C4orf51: variants seen among roughly 807,000 people sequenced by gnomAD.
C4orf51 encodes the protein uncharacterized protein C4orf51.
C4orf51 carries 25 observed loss-of-function variants against 25.2 expected under a neutral mutation model. The observed-to-expected ratio is 0.99, with a 90% CI of 0.72 to 1.39. C4orf51 has a LOEUF of 1.39. C4orf51 is among the 40% of genes most tolerant of loss of function. The probability of loss-of-function intolerance (pLI) is 0.00; values close to 1 mark genes in which losing one functional copy is unlikely to be tolerated. For missense variants in C4orf51, 252 were observed against 239.6 expected, an observed-to-expected ratio of 1.05 and a Z score of -0.34; for synonymous variants, 100 against 84.5, an observed-to-expected ratio of 1.18 and a Z score of -1.01.
At chr4:145,743,095 T>C (rs1733188950) in intron 1 of C4orf51, among the ~76,000 whole-genome samples, 1 of 152,182 alleles carries the variant, frequency 6.6e-6, no homozygotes, top group Non-Finnish European at 1.5e-5. Context: ...GTGCCCTTAC[T>C]GGAGTAAGAA....
downstream of C4orf51, among the ~76,000 whole-genome samples, chr4:145,772,052 G>A (rs1301313764): frequency 1.3e-5 from 2 of 152,216 alleles, no homozygotes; most frequent in Non-Finnish European, 2.9e-5. Context: ...AGAATTCAGT[G>A]TGTGCTTTCC....
intron 1 of C4orf51, among the ~76,000 whole-genome samples, chr4:145,695,481 C>T (rs1256117259): frequency 9.9e-5 from 15 of 152,034 alleles, no homozygotes; most frequent in Admixed American, 9.2e-4. Context: ...AGATATTAGA[C>T]CTTTGTCAGA....
chr4:145,788,531 C>T, the C4orf51 span, among the ~76,000 whole-genome samples: 3 of 152,142 alleles, frequency 2.0e-5, no homozygotes, highest in Non-Finnish European at 4.4e-5. Context: ...CTATGTTTTC[C>T]CTGTACTTGT....
intron 1 of C4orf51, among the ~76,000 whole-genome samples, chr4:145,694,068 G>T (rs1441917682): frequency 7.4e-6 from 1 of 135,350 alleles, no homozygotes; most frequent in Non-Finnish European, 1.6e-5. Flanking sequence ...CCCAGACGGG[G>T]TCTCGGCCGG....
chr4:145,743,672 T>C (rs114405306), intron 1 of C4orf51, among the ~76,000 whole-genome samples: 2,512 of 152,328 alleles, frequency 0.016, 31 homozygotes, highest in Non-Finnish European at 0.026. Flanking sequence ...CGCCTCAAAA[T>C]TTTTTGTTAG....
chr4:145,756,877 A>T (rs1414359351), downstream of C4orf51, among the ~76,000 whole-genome samples: 1 of 152,228 alleles, frequency 6.6e-6, no homozygotes, highest in Non-Finnish European at 1.5e-5. Context: ...AAAAAAGTAA[A>T]TTTGATCTTT....
At chr4:145,722,400 C>T (rs535162727) in intron 2 of C4orf51, among the ~76,000 whole-genome samples, 5 of 152,224 alleles carry the variant, frequency 3.3e-5, no homozygotes, top group African/African-American at 9.6e-5. Flanking sequence ...TCTTACATAA[C>T]CACAACATTG....
intron 2 of C4orf51, among the ~76,000 whole-genome samples, chr4:145,725,660 T>A (rs894133731): frequency 7.9e-5 from 12 of 152,176 alleles, no homozygotes; most frequent in African/African-American, 2.9e-4. Context: ...AACATTGTGT[T>A]AAGTTAAAGA....
chr4:145,703,159 T>C (rs1730568729), intron 2 of C4orf51, among the ~76,000 whole-genome samples: 1 of 151,484 alleles, frequency 6.6e-6, no homozygotes, highest in Non-Finnish European at 1.5e-5. Flanking sequence ...GAAGTGAATA[T>C]GCCCTGCCCC....
intron 1 of C4orf51, among the ~76,000 whole-genome samples, chr4:145,739,431 G>A (rs531835898): frequency 2.2e-3 from 341 of 152,316 alleles, no homozygotes; most frequent in African/African-American, 7.8e-3. Flanking sequence ...GGCACAGAGC[G>A]TCAAGATTTG....
At chr4:145,754,007 C>T (rs1362508715) in intron 1 of C4orf51, among the ~76,000 whole-genome samples, 1 of 152,204 alleles carries the variant, frequency 6.6e-6, no homozygotes, top group Non-Finnish European at 1.5e-5. Flanking sequence ...TGGCTCTGCC[C>T]AAGACCATCA....
At chr4:145,736,682 G>T (rs1169123497), downstream of C4orf51, among the ~76,000 whole-genome samples, 3 of 152,194 alleles carry the variant, frequency 2.0e-5, no homozygotes, top group African/African-American at 7.2e-5. Flanking sequence ...GGAAGGGCCA[G>T]GTCTTGGCAC....
intron 1 of C4orf51, chr4:145,760,695 G>C (rs1400445989): frequency 4.0e-6 from 4 of 996,730 alleles, no homozygotes; most frequent in Non-Finnish European, 3.7e-6. Context: ...ACATACACCT[G>C]CTGGGGTTGT....
At chr4:145,745,011 T>C (rs1733295195) in intron 1 of C4orf51, among the ~76,000 whole-genome samples, 1 of 152,230 alleles carries the variant, frequency 6.6e-6, no homozygotes, top group Admixed American at 6.5e-5. Flanking sequence ...TTTCTTTTCA[T>C]ACATTTTCAT....
chr4:145,777,446 C>T, the C4orf51 span, among the ~76,000 whole-genome samples: 112 of 152,272 alleles, frequency 7.4e-4, no homozygotes, highest in African/African-American at 2.1e-3. Flanking sequence ...ACGGTATGTC[C>T]TTCATAATTT....
chr4:145,681,080 G>A (rs1315483371), intron 1 of C4orf51, among the ~76,000 whole-genome samples: 1 of 152,176 alleles, frequency 6.6e-6, no homozygotes, highest in East Asian at 1.9e-4. Context: ...GAATGGAAAA[G>A]CACACTGCAT....
chr4:145,740,358 G>A (rs1209097346), intron 1 of C4orf51, among the ~76,000 whole-genome samples: 1 of 150,206 alleles, frequency 6.7e-6, no homozygotes, highest in Non-Finnish European at 1.5e-5. Context: ...AATTTCAAAT[G>A]CTATATTTTC....
chr4:145,765,880 G>A lies in C4orf51; in HGVS notation n.167-5108G>A. The A allele has an allele frequency of 1.3e-6, 1 of 785,134 alleles. No individual in the cohort carries two copies. Among genetic ancestry groups the A allele is most frequent in the East Asian group, 2.8e-5 (1 of 35,446 alleles). 48.6% of individuals were successfully genotyped at this position (785,134 alleles called of 1,614,324 possible). ...CATGTCCCCAGCTCCCCCACTGCTG[G>A]GGGATCCCAGGTCCTAAGGCACCTA... is the stretch of plus-strand genomic sequence containing the variant. On this transcript the variant is annotated intron_variant and non_coding_transcript_variant, in intron 1 of 1. Transcript: ENST00000510096. This position sits in a 1 kb window ranked among gnomAD's most constrained non-coding sequence, Gnocchi z 4.7.
intron 1 of C4orf51, among the ~76,000 whole-genome samples, chr4:145,738,543 A>T (rs1282412650): frequency 6.6e-6 from 1 of 151,984 alleles, no homozygotes; most frequent in Non-Finnish European, 1.5e-5. Context: ...GGTGTTAATT[A>T]TATTTTTTTT....
Sources: allele counts gnomAD v4.1 joint callset (sites outside exome capture counted in the v4.1 genomes callset), GRCh38; gene constraint gnomAD v4.1.1; non-coding constraint Gnocchi (gnomAD v3.1); transcripts MANE v1.5; gene names NCBI Gene and HGNC (gene_info 2026-07-23, HGNC 2026-07-21).